The following ANKRD30A variants were observed in gnomAD, a reference collection of about 807,000 sequenced individuals.
ANKRD30A encodes ankyrin repeat domain 30A.
Under a neutral mutation model 166.3 loss-of-function variants are expected in ANKRD30A, and 170 were observed. That is an observed-to-expected ratio of 1.02 (90% CI 0.90 to 1.16). ANKRD30A has a LOEUF of 1.16. ANKRD30A is among the 50% of genes most tolerant of loss of function. The pLI is 0.00. For missense variants in ANKRD30A, 1,630 were observed against 1,518.0 expected, an observed-to-expected ratio of 1.07 and a Z score of -1.23; for synonymous variants, 564 against 508.9, an observed-to-expected ratio of 1.11 and a Z score of -1.46.
At chr10:37,153,269 A>G (rs1474804774) in intron 12 of ANKRD30A, among the ~76,000 whole-genome samples, 1 of 152,216 alleles carries the variant, frequency 6.6e-6, no homozygotes, top group Non-Finnish European at 1.5e-5. Flanking sequence ...TAAGTTAGAT[A>G]TTTTTAAGAG....
chr10:37,243,298 C>T, the ANKRD30A span, among the ~76,000 whole-genome samples: 2 of 137,666 alleles, frequency 1.5e-5, no homozygotes, highest in South Asian at 4.7e-4. Context: ...CCACGCCCAC[C>T]TTTTTTTTTT....
intron 6 of ANKRD30A, among the ~76,000 whole-genome samples, chr10:37,138,877 C>A (rs186781194): frequency 6.6e-6 from 1 of 152,046 alleles, no homozygotes. Flanking sequence ...ATACAGAGAA[C>A]GCTGCAAAGA....
chr10:37,200,992 G>T (rs1472306256), intron 30 of ANKRD30A, among the ~76,000 whole-genome samples: 1 of 151,970 alleles, frequency 6.6e-6, no homozygotes, highest in Non-Finnish European at 1.5e-5. Context: ...TCGTGTATAT[G>T]ATTTGTTTTT....
Position 37,166,658 on chromosome 10 carries a change from T to A in ANKRD30A, c.2118T>A (p.His706Gln). ...ATGTGTGTTTACCCAAGGCTGCGCATCAAAAAGAAATAGATAAAATAAATG... is the reference window on the plus strand; with the variant it reads ...ATGTGTGTTTACCCAAGGCTGCGCAACAAAAAGAAATAGATAAAATAAATG... ...QKDVCLPKAA[H>Q]QKEIDKINGK... Residue 706 changes from histidine to glutamine, a missense_variant, in exon 19 of 36, where the codon CAT becomes CAA. His to Gln is a conservative substitution (Grantham distance 24). This residue lies in a region of ANKRD30A where 12 missense variants were observed against 27.4 expected (regional missense o/e 0.44). Coordinates refer to ENST00000361713, the MANE Select transcript of ANKRD30A (RefSeq NM_052997.3). 6.3e-7 allele frequency: 1 copy of A among 1,597,342 alleles called. No individual in the cohort carries two copies. The highest frequency in any genetic ancestry group is 8.5e-7 in the Non-Finnish European group (1 of 1,173,300).
intron 34 of ANKRD30A, 74 bp downstream of exon 34, chr10:37,219,971 A>AAT: frequency 3.1e-6 from 3 of 956,310 alleles, no homozygotes; most frequent in Non-Finnish European, 4.1e-6. Context: ...GCCTTGGCTA[A>AAT]ATGCTGAATC....
Position 37,133,916 on chromosome 10 carries a change from C to T in ANKRD30A, c.618C>T (p.Cys206=), listed in dbSNP as rs1185943513. The change falls in exon 5 of 36, where the codon TGC becomes TGT. Residue 206 remains cysteine, a splice_region_variant and synonymous_variant. Coordinates refer to ENST00000361713, the MANE Select transcript of ANKRD30A (RefSeq NM_052997.3). The part of the protein sequence containing the change: ...ANANAVNKYK[C]TALMLAVCHG... ...TGAAGTTATCTCTTTGTTATTTTAG[C>T]ACAGCCCTCATGCTTGCTGTATGTC... 6.2e-7 allele frequency: 1 copy of T among 1,613,556 alleles called. No homozygotes were observed. The highest frequency in any genetic ancestry group is 1.1e-5 in the South Asian group (1 of 90,968).
At chr10:37,218,796 G>A (rs1449322749) in intron 33 of ANKRD30A, among the ~76,000 whole-genome samples, 184 bp from the exon 34 acceptor site, 2 of 150,430 alleles carry the variant, frequency 1.3e-5, no homozygotes, top group Admixed American at 6.7e-5. Context: ...TCAAATAAAT[G>A]TTTGAACTTT....
At chr10:37,254,360 A>G in the ANKRD30A span, among the ~76,000 whole-genome samples, 1 of 152,168 alleles carries the variant, frequency 6.6e-6, no homozygotes, top group African/African-American at 2.4e-5. Context: ...ATTTCTCTAC[A>G]TCCTCACCAA....
intron 35 of ANKRD30A, among the ~76,000 whole-genome samples, chr10:37,231,988 A>G (rs1401483956): frequency 2.6e-5 from 4 of 152,024 alleles, no homozygotes; most frequent in Non-Finnish European, 5.9e-5. Context: ...CTAAATATAT[A>G]CTTTGAGATG....
intron 24 of ANKRD30A, among the ~76,000 whole-genome samples, chr10:37,179,592 C>A (rs1840045853): frequency 6.7e-6 from 1 of 149,610 alleles, no homozygotes; most frequent in South Asian, 2.2e-4. Context: ...CTGATCAATT[C>A]ATAACACTTT....
the ANKRD30A span, among the ~76,000 whole-genome samples, chr10:37,253,564 T>C: frequency 1.4e-4 from 22 of 152,112 alleles, no homozygotes; most frequent in African/African-American, 5.3e-4. Flanking sequence ...GGTGTGACAA[T>C]TTCTGGACAT....
intron 31 of ANKRD30A, among the ~76,000 whole-genome samples, chr10:37,211,173 G>T (rs200752599): frequency 2.6e-5 from 4 of 151,260 alleles, no homozygotes; most frequent in African/African-American, 4.9e-5. Context: ...TAAGTTTTAG[G>T]GTACATGTGC....
At chr10:37,191,108 T>A (rs1415693465) in intron 25 of ANKRD30A, among the ~76,000 whole-genome samples, 1 of 151,860 alleles carries the variant, frequency 6.6e-6, no homozygotes, top group South Asian at 2.1e-4. Context: ...AAAAGTCTGT[T>A]GCAACTAAAT....
intron 31 of ANKRD30A, among the ~76,000 whole-genome samples, chr10:37,204,916 T>A (rs938158186): frequency 6.6e-6 from 1 of 152,132 alleles, no homozygotes; most frequent in African/African-American, 2.4e-5. Flanking sequence ...CTCACACCAG[T>A]TAGAATGGCG....
At chr10:37,232,697 T>TATAGAGAGAGAGAGAGAG (rs1273812991), downstream of ANKRD30A, 4 of 78,408 alleles carry the variant, frequency 5.1e-5, no homozygotes, top group African/African-American at 1.9e-4. Context: ...TATATATAAA[T>TATAGAGAGAGAGAGAGAG]AGAGAGAGAG....
chr10:37,151,853 G>C (rs17605890), intron 11 of ANKRD30A, among the ~76,000 whole-genome samples: 3 of 151,964 alleles, frequency 2.0e-5, no homozygotes, highest in Non-Finnish European at 2.9e-5. Flanking sequence ...TTTCTGCATT[G>C]TAATGAAATA....
At chr10:37,220,022 TATATATAA>T (rs1426183181) in intron 34 of ANKRD30A, 125 bp downstream of exon 34, 2 of 144,258 alleles carry the variant, frequency 1.4e-5, no homozygotes, top group African/African-American at 6.1e-5. Flanking sequence ...TATATATATA[TATATATAA>T]TATATGTATG....
Position 37,158,417 on chromosome 10 carries a change from G to C in ANKRD30A, c.1824G>C (p.Leu608=). Residue 608 remains leucine, a synonymous_variant, in exon 14 of 36, where the codon CTG becomes CTC. Coordinates refer to ENST00000361713, the MANE Select transcript of ANKRD30A (RefSeq NM_052997.3). ...LEESPNKDGL[L]KATCGMKVSI... Reference sequence around the variant, plus strand: ...AGTCTCCTAATAAAGATGGTCTTCTGAAGGTAATAACTTTTATATTTTTGT... The same window carrying C: ...AGTCTCCTAATAAAGATGGTCTTCTCAAGGTAATAACTTTTATATTTTTGT... 1 of 1,611,264 alleles carries C rather than the reference G, an allele frequency of 6.2e-7. No individual in the cohort carries two copies. The highest frequency in any genetic ancestry group is 8.5e-7 in the Non-Finnish European group (1 of 1,177,964).
At chr10:37,223,495 T>C (rs1205331319) in intron 34 of ANKRD30A, among the ~76,000 whole-genome samples, 1 of 151,364 alleles carries the variant, frequency 6.6e-6, no homozygotes, top group Non-Finnish European at 1.5e-5. Context: ...GACAATGCTT[T>C]GAGGGCATCT....
Sources: gnomAD v4.1 joint callset for allele counts (sites outside exome capture counted in the v4.1 genomes callset) on GRCh38, gnomAD v4.1.1 for gene constraint, gnomAD v4.1.1 regional missense constraint, MANE v1.5 for transcripts, NCBI Gene and HGNC (gene_info 2026-07-23, HGNC 2026-07-21) for gene names.